The following SUPT3H variants were observed in gnomAD, a reference collection of about 807,000 sequenced individuals.
SUPT3H encodes transcription initiation protein SPT3 homolog.
In SUPT3H, 44 loss-of-function variants were observed where a neutral mutation model predicts 44.3. The observed-to-expected ratio is 0.99, with a 90% CI of 0.78 to 1.28. The LOEUF (loss-of-function observed/expected upper bound fraction) is 1.28. Ranked by LOEUF, SUPT3H falls within the 50% of genes most tolerant of loss-of-function variation. The probability of loss-of-function intolerance (pLI) is 0.00; values close to 1 mark genes in which losing one functional copy is unlikely to be tolerated. For synonymous variants in SUPT3H, 124 were observed against 125.6 expected, an observed-to-expected ratio of 0.99 and a Z score of 0.09; for missense variants, 380 against 387.1, an observed-to-expected ratio of 0.98 and a Z score of 0.15.
At chr6:44,860,153 TTTA>T (rs1223971518) in intron 10 of SUPT3H, among the ~76,000 whole-genome samples, 3 of 152,206 alleles carry the variant, frequency 2.0e-5, no homozygotes, top group Admixed American at 2.0e-4. Flanking sequence ...TCGTGGGGAA[TTTA>T]TTACTAGAAT....
At chr6:45,285,546 G>C (rs1242395506) in intron 2 of SUPT3H, among the ~76,000 whole-genome samples, 2 of 151,952 alleles carry the variant, frequency 1.3e-5, no homozygotes, top group Non-Finnish European at 2.9e-5. Context: ...GGGACGTGAA[G>C]GACCTCTTCA....
intron 10 of SUPT3H, among the ~76,000 whole-genome samples, chr6:44,895,254 G>GT (rs60637782): frequency 1.0e-3 from 120 of 119,308 alleles, no homozygotes; most frequent in African/African-American, 3.5e-3. Flanking sequence ...ACTTAGTCTT[G>GT]TTTTTTTTTT....
chr6:44,856,830 C>T (rs1424819972), intron 10 of SUPT3H, among the ~76,000 whole-genome samples: 1 of 152,186 alleles, frequency 6.6e-6, no homozygotes, highest in Admixed American at 6.5e-5. Context: ...TATAGCATTG[C>T]TTTCCCTAAT....
chr6:45,196,048 C>T (rs528480105), intron 2 of SUPT3H, among the ~76,000 whole-genome samples: 36 of 152,132 alleles, frequency 2.4e-4, no homozygotes, highest in Non-Finnish European at 3.4e-4. Flanking sequence ...GACACTAGCA[C>T]GCTAAAAATA....
At chr6:45,326,740 C>G (rs1370625781) in intron 2 of SUPT3H, among the ~76,000 whole-genome samples, 1 of 151,836 alleles carries the variant, frequency 6.6e-6, no homozygotes, top group African/African-American at 2.4e-5. Flanking sequence ...TAATATGAAC[C>G]AAAAGCAGAT....
intron 10 of SUPT3H, among the ~76,000 whole-genome samples, chr6:44,916,822 C>G (rs1767880774): frequency 6.6e-6 from 1 of 152,078 alleles, no homozygotes; most frequent in South Asian, 2.1e-4. Flanking sequence ...AGTATTATTA[C>G]TGACACTTAT....
At position 44,836,467 on chromosome 6, in the gene SUPT3H, G is replaced by A. The variant is rs902956520; in HGVS notation, c.913-6610C>T. Among the ~76,000 whole-genome samples the A allele has an allele frequency of 3.3e-5, 5 of 152,088 alleles. 1 individual carries two copies. The highest frequency in any genetic ancestry group is 3.3e-4 in the Admixed American group (5 of 15,262). ...GCTGGCAGAATGGGAAAAAAACATA[G>A]TATTAACTCTCATTGTAGTCCATGT... On this transcript the variant is annotated intron_variant, in intron 10 of 10. Transcript: ENST00000371459.
intron 2 of SUPT3H, among the ~76,000 whole-genome samples, chr6:45,129,237 C>G (rs1803020346): frequency 6.6e-6 from 1 of 152,218 alleles, no homozygotes; most frequent in African/African-American, 2.4e-5. Context: ...CAAATTCATT[C>G]TCTTTGCATT....
chr6:45,144,258 A>G (rs888684197), intron 2 of SUPT3H, among the ~76,000 whole-genome samples: 1 of 152,150 alleles, frequency 6.6e-6, no homozygotes, highest in Non-Finnish European at 1.5e-5. Context: ...GAACTAAAGA[A>G]CATGTTCCTG....
chr6:45,096,972 T>C (rs1455823139), intron 3 of SUPT3H, among the ~76,000 whole-genome samples: 1 of 152,124 alleles, frequency 6.6e-6, no homozygotes, highest in African/African-American at 2.4e-5. Flanking sequence ...AGGACTGACA[T>C]AACTGATACT....
chr6:45,247,439 C>T (rs1157747752), intron 2 of SUPT3H, among the ~76,000 whole-genome samples: 1 of 152,134 alleles, frequency 6.6e-6, no homozygotes, highest in African/African-American at 2.4e-5. Context: ...ATTATAAAGA[C>T]CTGTTCTCTT....
At chr6:45,264,231 T>C (rs1774882656) in intron 2 of SUPT3H, among the ~76,000 whole-genome samples, 1 of 152,202 alleles carries the variant, frequency 6.6e-6, no homozygotes, top group African/African-American at 2.4e-5. Context: ...GATCTTGAAA[T>C]CTGTATTTTT....
At chr6:44,947,725 A>G (rs1773584667) in intron 9 of SUPT3H, among the ~76,000 whole-genome samples, 1 of 152,234 alleles carries the variant, frequency 6.6e-6, no homozygotes, top group South Asian at 2.1e-4. Context: ...ATTTAGATAT[A>G]TTGTTCAAGC....
At chr6:45,372,422 G>A (rs1796201860) in intron 1 of SUPT3H, among the ~76,000 whole-genome samples, 1 of 152,164 alleles carries the variant, frequency 6.6e-6, no homozygotes. Context: ...CTCAAAGAAT[G>A]TTATGACTAA....
At chr6:44,954,147 A>C (rs1233750180) in intron 8 of SUPT3H, among the ~76,000 whole-genome samples, 1 of 152,196 alleles carries the variant, frequency 6.6e-6, no homozygotes, top group Non-Finnish European at 1.5e-5. Flanking sequence ...GAATTTGGTA[A>C]GTACTCCTAA....
chr6:45,048,864 A>G (rs1789834684), intron 3 of SUPT3H, among the ~76,000 whole-genome samples: 1 of 151,624 alleles, frequency 6.6e-6, no homozygotes, highest in African/African-American at 2.4e-5. Flanking sequence ...GAGTAGAATG[A>G]TGGTTACCAG....
Position 44,954,619 on chromosome 6 carries a change from A to G in SUPT3H, c.581-12T>C. 6.4e-7 allele frequency: 1 copy of G among 1,568,586 alleles called. No homozygotes were observed. Reference sequence around the variant, plus strand: ...GGAAGCTTTTTTGGCTGGCCATTTAAAAAAAACAAGTGCAGAAATTTTAAT... The same window carrying G: ...GGAAGCTTTTTTGGCTGGCCATTTAGAAAAAACAAGTGCAGAAATTTTAAT... On this transcript the variant is annotated splice_polypyrimidine_tract_variant and intron_variant, in intron 7 of 10. Transcript: ENST00000371459.
In SUPT3H at chr6:45,124,936, A is replaced by T. The variant is rs942321814; in HGVS notation, c.102-18930T>A. Among the ~76,000 whole-genome samples the T allele has an allele frequency of 2.6e-5, 4 of 152,272 alleles. No homozygotes were observed. The East Asian group carries it at 7.8e-4, about 30-fold the overall frequency. ...AATTTGCACAGAGACAGACACACAC[A>T]GAGGGAAGGCAATATGAAGACGGAG... On this transcript the variant is annotated intron_variant, in intron 2 of 10. Transcript: ENST00000371459.
chr6:44,814,869 G>A (rs555255623), intron 11 of SUPT3H, among the ~76,000 whole-genome samples: 3 of 152,176 alleles, frequency 2.0e-5, no homozygotes, highest in East Asian at 3.9e-4. Context: ...TAGAGATGGG[G>A]TTTAGCCATG....
Sources: gnomAD v4.1 joint callset for allele counts (sites outside exome capture counted in the v4.1 genomes callset) on GRCh38, gnomAD v4.1.1 for gene constraint, MANE v1.5 for transcripts, NCBI Gene and HGNC (gene_info 2026-07-23, HGNC 2026-07-21) for gene names.